ARHGAP10: variants seen among roughly 807,000 people sequenced by gnomAD.
ARHGAP10 encodes the protein Rho GTPase activating protein 10, also known as rho GTPase-activating protein 10.
In ARHGAP10, 87 loss-of-function variants were observed where a neutral mutation model predicts 108.6. That is an observed-to-expected ratio of 0.80 (90% CI 0.67 to 0.96). The LOEUF is 0.96. ARHGAP10 is among the 40% of genes least tolerant of loss of function. ARHGAP10 has a pLI of 0.00. For synonymous variants in ARHGAP10, 347 were observed against 341.1 expected (o/e 1.02, Z -0.19); for missense variants, 939 against 954.5 (o/e 0.98, Z 0.21).
chr4:147,900,132 T>C (rs3857094), intron 10 of ARHGAP10, among the ~76,000 whole-genome samples: 4,797 of 152,292 alleles, frequency 0.031, 100 homozygotes, highest in Non-Finnish European at 0.045. Context: ...TTGATAGAGC[T>C]ATAGAACATG....
intron 18 of ARHGAP10, among the ~76,000 whole-genome samples, chr4:147,997,612 G>A (rs1470138249): frequency 6.6e-6 from 1 of 152,150 alleles, no homozygotes; most frequent in African/African-American, 2.4e-5. Flanking sequence ...ATCAACACAG[G>A]TATAGAACCA....
intron 18 of ARHGAP10, among the ~76,000 whole-genome samples, chr4:147,974,181 C>T (rs540363882): frequency 1.3e-5 from 2 of 152,016 alleles, no homozygotes; most frequent in African/African-American, 2.4e-5. Flanking sequence ...TACATCCTTG[C>T]CAACATTTTT....
chr4:148,027,483 C>T (rs561640153), intron 19 of ARHGAP10, among the ~76,000 whole-genome samples: 21 of 152,162 alleles, frequency 1.4e-4, no homozygotes, highest in Admixed American at 2.0e-4. Flanking sequence ...TGGTAGATAC[C>T]GTGATGAGGA....
chr4:148,049,800 TTTTGTTTGTTTG>T (rs903133481), intron 20 of ARHGAP10, among the ~76,000 whole-genome samples: 1 of 146,284 alleles, frequency 6.8e-6, no homozygotes, highest in African/African-American at 2.5e-5. Context: ...AAATTGTTTT[TTTTGTTTGTTTG>T]TTTGTTTGTT....
In ARHGAP10 at chr4:147,817,023, A is replaced by G. The variant is rs149631390; in HGVS notation, c.155-5704A>G. 3.9e-4 allele frequency among the ~76,000 whole-genome samples: 59 copies of G among 152,346 alleles called. No individual in the cohort carries two copies. The East Asian group carries it at 0.01, about 26-fold the overall frequency. On this transcript the variant is annotated intron_variant, in intron 1 of 22. Transcript: ENST00000336498. ...ATAATCTAATTATGTGGCTCTCTACATAAAGAATATGAGCTTCCAGGTGCA... is the reference window on the plus strand; with the variant it reads ...ATAATCTAATTATGTGGCTCTCTACGTAAAGAATATGAGCTTCCAGGTGCA...
At chr4:147,803,861 A>G (rs750038914) in intron 1 of ARHGAP10, among the ~76,000 whole-genome samples, 4 of 151,902 alleles carry the variant, frequency 2.6e-5, no homozygotes, top group African/African-American at 7.3e-5. Flanking sequence ...AGTTAATTCT[A>G]TGTTTTGGCT....
At chr4:147,887,424 C>T (rs990451543) in intron 10 of ARHGAP10, among the ~76,000 whole-genome samples, 4 of 106,004 alleles carry the variant, frequency 3.8e-5, no homozygotes, top group African/African-American at 1.2e-4. Flanking sequence ...AAGTGAAATG[C>T]TCTTATTTCA....
intron 13 of ARHGAP10, among the ~76,000 whole-genome samples, chr4:147,938,658 C>T (rs937622098): frequency 9.2e-5 from 14 of 152,206 alleles, no homozygotes; most frequent in African/African-American, 3.4e-4. Context: ...CTTTTCATCA[C>T]TCCGAGCAGG....
intron 12 of ARHGAP10, 130 bp from the exon 13 acceptor site, chr4:147,912,944 A>G (rs1736817538): frequency 2.3e-6 from 2 of 859,242 alleles, no homozygotes; most frequent in African/African-American, 1.7e-5. Context: ...CAATGTGCCT[A>G]TCTGCCTTTA....
chr4:147,998,766 C>G (rs140229042), intron 18 of ARHGAP10, among the ~76,000 whole-genome samples: 1 of 152,172 alleles, frequency 6.6e-6, no homozygotes, highest in African/African-American at 2.4e-5. Context: ...TACATTAATT[C>G]GTGATACCAT....
chr4:147,765,335 T>TGGGGGGGGGGGGGG (rs1463328322), intron 1 of ARHGAP10, among the ~76,000 whole-genome samples: 1 of 22,680 alleles, frequency 4.4e-5, no homozygotes, highest in African/African-American at 8.8e-5. Context: ...TGTGTGTGTG[T>TGGGGGGGGGGGGGG]GTGGGGGGGG....
chr4:148,067,039 G>T (rs141147948), intron 22 of ARHGAP10, among the ~76,000 whole-genome samples: 6 of 152,274 alleles, frequency 3.9e-5, no homozygotes, highest in East Asian at 1.9e-4. Flanking sequence ...GGAGCTCCTC[G>T]TTCTGTCCCT....
chr4:147,980,020 A>G (rs1739749962), intron 18 of ARHGAP10, among the ~76,000 whole-genome samples: 1 of 152,092 alleles, frequency 6.6e-6, no homozygotes, highest in South Asian at 2.1e-4. Context: ...CCTATTTGGA[A>G]TGCCTTTGCT....
intron 1 of ARHGAP10, among the ~76,000 whole-genome samples, chr4:147,778,152 T>G (rs115042798): frequency 0.012 from 1,862 of 152,236 alleles, 22 homozygotes; most frequent in South Asian, 0.021. Context: ...AGCAAAATGA[T>G]TTGAAATAGA....
At chr4:148,052,273 C>T in intron 20 of ARHGAP10, among the ~76,000 whole-genome samples, 1 of 151,044 alleles carries the variant, frequency 6.6e-6, no homozygotes. Context: ...CTTCCTCAAC[C>T]CCAGCACTCC....
chr4:147,757,621 C>T (rs998629291), intron 1 of ARHGAP10, among the ~76,000 whole-genome samples: 2 of 152,332 alleles, frequency 1.3e-5, no homozygotes, highest in Admixed American at 6.5e-5. Flanking sequence ...AACTTCCATC[C>T]GTTCATAGCC....
intron 20 of ARHGAP10, among the ~76,000 whole-genome samples, chr4:148,048,914 A>T (rs1422574826): frequency 2.0e-5 from 3 of 152,128 alleles, no homozygotes; most frequent in African/African-American, 7.2e-5. Context: ...TGAGAGGCCA[A>T]AAAGGGGGTT....
At chr4:148,052,392 C>CTTTTTTTTT (rs35449374) in intron 20 of ARHGAP10, among the ~76,000 whole-genome samples, 2 of 90,686 alleles carry the variant, frequency 2.2e-5, no homozygotes, top group African/African-American at 8.9e-5. Context: ...TGCACATTTG[C>CTTTTTTTTT]TTTTTTTTTT....
intron 13 of ARHGAP10, chr4:147,916,388 A>G (rs1413308529): frequency 6.6e-6 from 1 of 152,200 alleles, no homozygotes; most frequent in Non-Finnish European, 1.5e-5. Flanking sequence ...TTCTTAAGCT[A>G]TCTATTCAGT....
Sources: allele counts gnomAD v4.1 joint callset (sites outside exome capture counted in the v4.1 genomes callset), GRCh38; gene constraint gnomAD v4.1.1; transcripts MANE v1.5; gene names NCBI Gene and HGNC (gene_info 2026-07-23, HGNC 2026-07-21).